Variants in ATXN2L observed in about 807,000 individuals in gnomAD.
The protein encoded by ATXN2L is ataxin-2-like protein.
ATXN2L carries 24 observed loss-of-function variants against 120.7 expected under a neutral mutation model. That is an observed-to-expected ratio of 0.20 (90% confidence interval 0.14 to 0.28). The LOEUF (loss-of-function observed/expected upper bound fraction) is 0.28. Ranked by LOEUF, ATXN2L falls within the 10% of genes least tolerant of loss-of-function variation. The pLI, the probability that ATXN2L is intolerant of heterozygous loss-of-function variation, is 1.00. For missense variants in ATXN2L, 1,312 were observed against 1,432.3 expected (o/e 0.92, Z 1.36); for synonymous variants, 653 against 568.1 (o/e 1.15, Z -2.13).
chr16:28,825,931 A>G, intron 4 of ATXN2L, 90 bp downstream of exon 4: 2 of 1,261,550 alleles, frequency 1.6e-6, no homozygotes, highest in East Asian at 4.8e-5. Flanking sequence ...GGGTGATGTC[A>G]GAGTATGCCT....
intron 11 of ATXN2L, 38 bp from the exon 12 acceptor site, chr16:28,832,458 A>G (rs1243820477): frequency 6.2e-7 from 1 of 1,612,762 alleles, no homozygotes; most frequent in South Asian, 1.1e-5. Flanking sequence ...GTGGTTCTGG[A>G]CAGAAGGACC....
chr16:28,833,162 C>T lies in ATXN2L; in HGVS notation c.1763C>T (p.Thr588Ile). Residue 588 changes from threonine (T) to isoleucine (I), a missense_variant, in exon 14 of 22, where the codon ACT becomes ATT. Transcript: ENST00000336783. ...GAGAAAGAGGTTGATGGTCTGTTGA[C>T]TTCAGAGCCCATGGGGTCTCCCGTC... Reference protein sequence around the residue: ...GKEKEVDGLLTSEPMGSPVSS... With the variant: ...GKEKEVDGLLISEPMGSPVSS... The T allele has an allele frequency of 1.2e-6, 2 of 1,614,208 alleles. No individual in the cohort carries two copies. The highest frequency in any genetic ancestry group is 1.7e-6 in the Non-Finnish European group (2 of 1,180,040).
chr16:28,826,816 CTG>C (rs762398165), intron 5 of ATXN2L, 44 bp from the exon 6 acceptor site: 27 of 1,492,934 alleles, frequency 1.8e-5, no homozygotes, highest in Non-Finnish European at 2.4e-5. Context: ...GGAAAGAAGT[CTG>C]TGAAATATAG....
chr16:28,833,085 C>T lies in ATXN2L; in HGVS notation c.1686C>T (p.Asn562=), dbSNP rs376258331. Residue 562 remains asparagine, a synonymous_variant, in exon 14 of 22, where the codon AAC becomes AAT. Coordinates refer to ENST00000336783, the MANE Select transcript of ATXN2L (RefSeq NM_007245.4). ...FKLQPSSSPE[N]SLDPFPPRIL... is the part of the protein sequence containing the mutation. ...TTCAGCCCAGTAGCTCCCCTGAGAA[C>T]AGCCTGGATCCTTTTCCTCCCCGGA... 26 of 1,614,026 alleles carry T rather than the reference C, an allele frequency of 1.6e-5. No homozygotes were observed. In the African/African-American group the frequency reaches 1.9e-4, roughly 12 times the overall value.
In ATXN2L at chr16:28,826,291, G is replaced by A. The variant is rs1415141796; in HGVS notation, c.517G>A (p.Gly173Ser). The A allele has an allele frequency of 6.2e-7, 1 of 1,614,226 alleles. No individual in the cohort carries two copies. The highest frequency in any genetic ancestry group is 1.1e-5 in the South Asian group (1 of 91,090). ...CCGGAAAGCATCTGAGCCAGCAGGTGGCCCTCGTCGGGAGGACATTGTGGA... is the reference window on the plus strand; with the variant it reads ...CCGGAAAGCATCTGAGCCAGCAGGTAGCCCTCGTCGGGAGGACATTGTGGA... Reference protein sequence around the residue: ...VHRKASEPAGGPRREDIVDTM... With the variant: ...VHRKASEPAGSPRREDIVDTM... The change falls in exon 5 of 22, where the codon GGC (glycine) becomes AGC (serine). Residue 173 changes from glycine to serine, a missense_variant. Physicochemically the swap from Gly to Ser is moderately conservative, Grantham distance 56. Coordinates refer to ENST00000336783, the MANE Select transcript of ATXN2L (RefSeq NM_007245.4).
chr16:28,835,411 G>C lies in ATXN2L; in HGVS notation c.2685+12G>C, dbSNP rs1423572799. ...CCAGTCCTGTCCAGGTGCCTGCCAT[G>C]GGGGGTGCTGAGTGGTCCTGGTGCA... is the stretch of plus-strand genomic sequence containing the variant. On this transcript the variant is annotated intron_variant, in intron 20 of 21. Transcript: ENST00000336783. 1 of 1,612,032 alleles carries C rather than the reference G, an allele frequency of 6.2e-7. No homozygotes were observed. Among genetic ancestry groups the C allele is most frequent in the Non-Finnish European group, 8.5e-7 (1 of 1,179,762 alleles).
At chr16:28,825,959 C>A in intron 4 of ATXN2L, 118 bp downstream of exon 4, 2 of 1,064,916 alleles carry the variant, frequency 1.9e-6, no homozygotes, top group Non-Finnish European at 2.8e-6. Flanking sequence ...TTTCTGTAGG[C>A]CTGTGCTGAA....
chr16:28,827,599 C>T (rs1465840737), intron 6 of ATXN2L, among the ~76,000 whole-genome samples: 1 of 151,526 alleles, frequency 6.6e-6, no homozygotes, highest in Non-Finnish European at 1.5e-5. Flanking sequence ...AGGCTGAGCG[C>T]AGTGGCTCAT....
rs2055415514 is a variant in ATXN2L, at chr16:28,833,732, A to G, written c.2025+224A>G. 5 of 615,226 alleles carry G rather than the reference A, an allele frequency of 8.1e-6. No individual in the cohort carries two copies. In the Admixed American group the frequency reaches 1.2e-4, roughly 14 times the overall value. The allele number at this position is 615,226 out of a possible 1,614,324, so 38.1% of individuals were successfully genotyped here. A position where few individuals can be genotyped will look rare whatever the true frequency, so the allele number is the denominator to read the frequency against. ...GATCAGGGGATCAGGGATCCCAGTG[A>G]GTCTGATGAGGGGTTAACAGGCTTT... On this transcript the variant is annotated intron_variant, in intron 15 of 21. Transcript: ENST00000336783.
chr16:28,825,258 C>T, intron 1 of ATXN2L, 108 bp from the exon 2 acceptor site: 2 of 1,068,794 alleles, frequency 1.9e-6, no homozygotes, highest in South Asian at 1.4e-5. Context: ...ATTTTGTAGT[C>T]TAAATCAGCA....
chr16:28,829,192 G>C (rs994012803), intron 6 of ATXN2L, among the ~76,000 whole-genome samples: 1 of 152,058 alleles, frequency 6.6e-6, no homozygotes, highest in Non-Finnish European at 1.5e-5. Context: ...TTCTAGAGAT[G>C]AGCTCTTGCT....
chr16:28,825,174 G>A (rs113964765), intron 1 of ATXN2L, among the ~76,000 whole-genome samples, 192 bp from the exon 2 acceptor site: 7,922 of 151,988 alleles, frequency 0.052, 703 homozygotes, highest in African/African-American at 0.18. Flanking sequence ...CTGAGATCAC[G>A]CCACTGCACC....
intron 1 of ATXN2L, chr16:28,824,537 C>T (rs1044883216): frequency 1.6e-6 from 2 of 1,287,584 alleles, no homozygotes; most frequent in East Asian, 1.1e-4. Flanking sequence ...TGGTGATCCC[C>T]GCAGAGTGGG....
At chr16:28,831,217 G>A in intron 10 of ATXN2L, 145 bp downstream of exon 10, 1 of 682,340 alleles carries the variant, frequency 1.5e-6, no homozygotes, top group Non-Finnish European at 2.5e-6. Flanking sequence ...TTGGGAAATA[G>A]TTCTTCGATT....
Position 28,829,956 on chromosome 16 carries a change from T to A in ATXN2L, c.932T>A (p.Leu311Gln). Reference sequence around the variant, plus strand: ...ATTGAATCAAGCCCCCAGTACCGCCTACGGATCGCCATGGAGAACGACGAT... The same window carrying A: ...ATTGAATCAAGCCCCCAGTACCGCCAACGGATCGCCATGGAGAACGACGAT... Reference protein sequence around the residue: ...REIESSPQYRLRIAMENDDGR... With the variant: ...REIESSPQYRQRIAMENDDGR... The change falls in exon 8 of 22, where the codon CTA becomes CAA. Residue 311 changes from leucine to glutamine, a missense_variant. By Grantham distance (113) the Leu-to-Gln change is moderately radical. Transcript: ENST00000336783. The A allele has an allele frequency of 6.2e-7, 1 of 1,614,188 alleles. No homozygotes were observed. The highest frequency in any genetic ancestry group is 8.5e-7 in the Non-Finnish European group (1 of 1,180,030).
chr16:28,836,893 G>A lies in ATXN2L; in HGVS notation c.*628G>A, dbSNP rs1567444865. On this transcript the variant is annotated 3_prime_UTR_variant, in exon 22 of 22. Transcript: ENST00000336783. ...CCCCATCCCCCCGTTCCCCAGGGGA[G>A]CTGGGGAATTCCTGCCAAGCACCTT... 14 of 1,121,622 alleles carry A rather than the reference G, an allele frequency of 1.2e-5. No individual in the cohort carries two copies. Among genetic ancestry groups the A allele is most frequent in the South Asian group, 2.8e-5 (2 of 71,918 alleles). The allele number at this position is 1,121,622 out of a possible 1,614,324, so 69.5% of individuals were successfully genotyped here.
Position 28,833,184 on chromosome 16 carries a change from C to T in ATXN2L, c.1785C>T (p.Pro595=), listed in dbSNP as rs762703592. The change falls in exon 14 of 22, where the codon CCC becomes CCT. Residue 595 remains proline, a synonymous_variant. Coordinates refer to ENST00000336783, the MANE Select transcript of ATXN2L (RefSeq NM_007245.4). ...TGACTTCAGAGCCCATGGGGTCTCC[C>T]GTCTCCTCCAAGACAGAGTCCGTAT... ...GLLTSEPMGS[P]VSSKTESVSD... The T allele has an allele frequency of 8.7e-6, 14 of 1,614,180 alleles. No individual in the cohort carries two copies. The highest frequency in any genetic ancestry group is 1.1e-5 in the Non-Finnish European group (13 of 1,180,034).
At chr16:28,833,645 T>C in intron 15 of ATXN2L, 137 bp downstream of exon 15, 1 of 952,530 alleles carries the variant, frequency 1.0e-6, no homozygotes, top group South Asian at 1.5e-5. Flanking sequence ...GTCATAAAAA[T>C]GTAAGGATGG....
intron 15 of ATXN2L, chr16:28,833,860 T>A: frequency 1.4e-6 from 1 of 702,534 alleles, no homozygotes; most frequent in Non-Finnish European, 2.3e-6. Context: ...AGGTTTGTGA[T>A]CTTGGACGTC....
Sources: allele counts gnomAD v4.1 joint callset (sites outside exome capture counted in the v4.1 genomes callset), GRCh38; gene constraint gnomAD v4.1.1; transcripts MANE v1.5; gene names NCBI Gene and HGNC (gene_info 2026-07-23, HGNC 2026-07-21).